The following TKT variants were observed in gnomAD, a reference collection of about 807,000 sequenced individuals.
TKT encodes the protein epididymis luminal protein 107.
Under a neutral mutation model 63.9 loss-of-function variants are expected in TKT, and 47 were observed. The ratio of observed to expected loss-of-function variants is 0.74; its 90% CI spans 0.58 to 0.94. TKT has a LOEUF of 0.94. Among genes scored for constraint, TKT ranks in the 40% least tolerant of loss-of-function variants. The pLI, the probability that TKT is intolerant of heterozygous loss-of-function variation, is 0.00. For synonymous variants in TKT, 338 were observed against 334.1 expected (o/e 1.01, Z -0.13); for missense variants, 721 against 846.2 (o/e 0.85, Z 1.84).
At position 53,242,153 on chromosome 3, in the gene TKT, G is replaced by T. The variant is rs906317096; in HGVS notation, c.197C>A (p.Pro66Gln). The change falls in exon 2 of 14, where the codon CCG becomes CAG. Residue 66 changes from proline (P) to glutamine (Q), a missense_variant. By Grantham distance (76) the Pro-to-Gln change is moderately conservative. Coordinates refer to ENST00000462138, the MANE Select transcript of TKT (RefSeq NM_001064.4). ...GGAGAGCACAAAGCGGTCATTGTGC[G>T]GATTCCGGGGGTCCTGGGACTTGTA... ...MRYKSQDPRN[P>Q]HNDRFVLSKG... is the part of the protein sequence containing the mutation. 1 of 1,614,106 alleles carries T rather than the reference G, an allele frequency of 6.2e-7. No homozygotes were observed. Among genetic ancestry groups the T allele is most frequent in the Non-Finnish European group, 8.5e-7 (1 of 1,180,014 alleles).
intron 13 of TKT, chr3:53,226,296 C>A: frequency 3.9e-6 from 1 of 257,920 alleles, no homozygotes; most frequent in Non-Finnish European, 7.5e-6. Flanking sequence ...CAGCCAGCCA[C>A]TGTCCATAGT....
intron 1 of TKT, 38 bp downstream of exon 1, chr3:53,255,798 C>G (rs932854844): frequency 9.9e-5 from 137 of 1,385,064 alleles, no homozygotes; most frequent in Non-Finnish European, 1.3e-4. Context: ...CCCCCCGCCC[C>G]GCCCGAGCCG....
At position 53,248,211 on chromosome 3, in the gene TKT, T is replaced by C. The variant is rs531543356; in HGVS notation, c.108-5969A>G. Among the ~76,000 whole-genome samples, 19 of 152,312 alleles carry C rather than the reference T, an allele frequency of 1.2e-4. No individual in the cohort carries two copies. In the South Asian group the frequency reaches 3.9e-3, roughly 32 times the overall value. The stretch of plus-strand genomic sequence containing the variant: ...ATTCGGAGGATGGGGCCACTAAGGT[T>C]CACAGAAAGTGACTTGCCTAAAGTC... On this transcript the variant is annotated intron_variant, in intron 1 of 13. Transcript: ENST00000462138.
rs879988795 is a variant in TKT, at chr3:53,228,152, G to C, written c.1480-3C>G. 6.2e-7 allele frequency: 1 copy of C among 1,614,002 alleles called. No homozygotes were observed. The highest frequency in any genetic ancestry group is 1.7e-5 in the Admixed American group (1 of 60,008). ...TCATCCTTGCTCTTCAGGACCACCT[G>C]GGGGTGACACAGAGGGTGAGTAAGG... On this transcript the variant is annotated splice_region_variant and splice_polypyrimidine_tract_variant and intron_variant, in intron 11 of 13. Coordinates refer to ENST00000462138, the MANE Select transcript of TKT (RefSeq NM_001064.4).
At position 53,229,437 on chromosome 3, in the gene TKT, C is replaced by T. The variant is rs1317365843; in HGVS notation, c.1108-1G>A. 9 of 1,602,656 alleles carry T rather than the reference C, an allele frequency of 5.6e-6. No homozygotes were observed. Among genetic ancestry groups the T allele is most frequent in the East Asian group, 2.3e-5 (1 of 44,366 alleles). On this transcript the variant is annotated splice_acceptor_variant, in intron 8 of 13. Transcript: ENST00000462138. LOFTEE classifies it high-confidence loss of function. The stretch of plus-strand genomic sequence containing the variant: ...TGGCACAGCCCACCGCGATGCTCAC[C>T]TGGGGGCAGGTGGGACAGGGTCAGC...
chr3:53,240,300 C>T lies in TKT; in HGVS notation c.388G>A (p.Gly130Arg), dbSNP rs782298226. ...GTGTAGGCCATCCCACAAGCGGCCC[C>T]GAGGCCCTGGCCCAGGGAGCCAGTG... ...VATGSLGQGLGAACGMAYTGK... is the reference protein window; with the variant it reads ...VATGSLGQGLRAACGMAYTGK... The change falls in exon 4 of 14, where the codon GGG becomes AGG. Residue 130 changes from glycine (G) to arginine (R), a missense_variant. Transcript: ENST00000462138. 6.2e-6 allele frequency: 10 copies of T among 1,613,128 alleles called. No individual in the cohort carries two copies. The highest frequency in any genetic ancestry group is 2.2e-5 in the East Asian group (1 of 44,870).
chr3:53,231,208 G>A (rs1553676920), intron 7 of TKT, 149 bp downstream of exon 7: 1 of 845,358 alleles, frequency 1.2e-6, no homozygotes, highest in Admixed American at 2.9e-5. Context: ...CATTCTGAGG[G>A]AAGTGACAGG....
At chr3:53,253,819 CTG>C (rs1553681920) in intron 1 of TKT, among the ~76,000 whole-genome samples, 1 of 152,006 alleles carries the variant, frequency 6.6e-6, no homozygotes, top group Non-Finnish European at 1.5e-5. Context: ...CCAGGTTGGT[CTG>C]GAACTCCTGG....
intron 1 of TKT, among the ~76,000 whole-genome samples, chr3:53,246,270 G>A (rs1336602363): frequency 6.6e-6 from 1 of 151,718 alleles, no homozygotes; most frequent in Non-Finnish European, 1.5e-5. Flanking sequence ...TCCATCTCAG[G>A]AAAAAAACAA....
rs3736156 is a variant in TKT, at chr3:53,229,263, A to G, written c.1264+17T>C. 995,728 of 1,612,972 alleles carry G rather than the reference A, an allele frequency of 0.62. 313,282 individuals are homozygous for G. The highest frequency in any genetic ancestry group is 0.83 in the South Asian group (75,346 of 91,046). On this transcript the variant is annotated intron_variant, in intron 9 of 13. Transcript: ENST00000462138. ...AGTCAAGGGAGCTCCAGGTGTAAAC[A>G]CCCTGGCTAAACTCACCGATGGAAA...
chr3:53,254,173 T>G (rs1242033437), intron 1 of TKT, among the ~76,000 whole-genome samples: 1 of 152,204 alleles, frequency 6.6e-6, no homozygotes, highest in Non-Finnish European at 1.5e-5. Context: ...TACTACTTAG[T>G]TGGGTAATTG....
chr3:53,245,096 G>A (rs1450451550), intron 1 of TKT, among the ~76,000 whole-genome samples: 1 of 150,082 alleles, frequency 6.7e-6, no homozygotes, highest in Non-Finnish European at 1.5e-5. Context: ...CTGAGGTCAG[G>A]AGTTTAAGAC....
In TKT at chr3:53,231,558, C is replaced by A; in HGVS notation, c.749-8G>T. 7 of 1,612,240 alleles carry A rather than the reference C, an allele frequency of 4.3e-6. No individual in the cohort carries two copies. The highest frequency in any genetic ancestry group is 5.9e-6 in the Non-Finnish European group (7 of 1,178,972). On this transcript the variant is annotated splice_region_variant and splice_polypyrimidine_tract_variant and intron_variant, in intron 6 of 13. Coordinates refer to ENST00000462138, the MANE Select transcript of TKT (RefSeq NM_001064.4). ...ACTCCTTATCTTCTACCCCTGCAGACCCAACACGGGAGGACAGAGGAATGG... is the reference window on the plus strand; with the variant it reads ...ACTCCTTATCTTCTACCCCTGCAGAACCAACACGGGAGGACAGAGGAATGG...
intron 8 of TKT, among the ~76,000 whole-genome samples, chr3:53,229,944 G>C (rs1704670228): frequency 6.6e-6 from 1 of 152,170 alleles, no homozygotes; most frequent in African/African-American, 2.4e-5. Flanking sequence ...GGGATATTTT[G>C]AAAACATGGA....
intron 12 of TKT, 46 bp from the exon 13 acceptor site, chr3:53,226,924 CA>C: frequency 1.9e-6 from 3 of 1,561,942 alleles, no homozygotes; most frequent in Non-Finnish European, 2.6e-6. Flanking sequence ...GGCTGGGCAC[CA>C]CTATCTGCCC....
chr3:53,229,533 T>A, intron 8 of TKT, 97 bp from the exon 9 acceptor site: 1 of 1,319,694 alleles, frequency 7.6e-7, no homozygotes, highest in Non-Finnish European at 1.0e-6. Flanking sequence ...AATTTGTATA[T>A]AGATTGTCCA....
rs782219783 is a variant in TKT at position 53,228,024 on chromosome 3, A to G, written c.1573+32T>C. 3.8e-6 allele frequency: 6 copies of G among 1,599,150 alleles called. No homozygotes were observed. The African/African-American group carries it at 6.7e-5, about 18-fold the overall frequency. ...AAGACCTAGCATGCAGTGGCCGCTC[A>G]GTTGATGACTTTGGAGGCCCCTTCT... On this transcript the variant is annotated intron_variant, in intron 12 of 13. Transcript: ENST00000462138.
chr3:53,251,945 A>T (rs1056134137), intron 1 of TKT, among the ~76,000 whole-genome samples: 2 of 152,284 alleles, frequency 1.3e-5, no homozygotes, highest in Admixed American at 6.5e-5. Flanking sequence ...TTCAAGACCA[A>T]CCTCAACATG....
intron 1 of TKT, among the ~76,000 whole-genome samples, chr3:53,245,763 C>T (rs1005335686): frequency 6.6e-6 from 1 of 152,082 alleles, no homozygotes; most frequent in East Asian, 1.9e-4. Flanking sequence ...CCAGCCTGGG[C>T]AACAGAGTGA....
Sources: gnomAD v4.1 joint callset for allele counts (sites outside exome capture counted in the v4.1 genomes callset) on GRCh38, gnomAD v4.1.1 for gene constraint, MANE v1.5 for transcripts, NCBI Gene and HGNC (gene_info 2026-07-23, HGNC 2026-07-21) for gene names.